The following CPSF6 variants were observed in gnomAD, a reference collection of about 807,000 sequenced individuals.
CPSF6 encodes cleavage and polyadenylation specificity factor subunit 6.
CPSF6 carries 10 observed loss-of-function variants against 56.7 expected under a neutral mutation model. The observed-to-expected ratio is 0.18, with a 90% confidence interval of 0.11 to 0.30. CPSF6 has a LOEUF of 0.30. Ranked by LOEUF, CPSF6 falls within the 10% of genes least tolerant of loss-of-function variation. The probability of loss-of-function intolerance (pLI) is 1.00; values close to 1 mark genes in which losing one functional copy is unlikely to be tolerated. For missense variants in CPSF6, 419 were observed against 722.9 expected, an observed-to-expected ratio of 0.58 and a Z score of 4.82; for synonymous variants, 248 against 244.8, an observed-to-expected ratio of 1.01 and a Z score of -0.12.
In CPSF6 at chr12:69,269,778, A is replaced by T. The variant is rs1340135530; in HGVS notation, c.*270A>T. ...TTTGCAACTTTATTACTGGTTATAT[A>T]CATTTGGCCATTATGATGTGCAAGC... On this transcript the variant is annotated 3_prime_UTR_variant, in exon 10 of 10. Coordinates refer to ENST00000435070, the MANE Select transcript of CPSF6 (RefSeq NM_007007.3). 3 of 189,450 alleles carry T rather than the reference A, an allele frequency of 1.6e-5. No individual in the cohort carries two copies. The highest frequency in any genetic ancestry group is 7.2e-5 in the African/African-American group (3 of 41,912). 11.7% of individuals were successfully genotyped at this position (189,450 alleles called of 1,614,324 possible). A position where few individuals can be genotyped will look rare whatever the true frequency, so the allele number is the denominator to read the frequency against.
intron 1 of CPSF6, 145 bp from the exon 2 acceptor site, chr12:69,250,984 T>TACATCAAGAA: frequency 1.3e-6 from 1 of 782,560 alleles, no homozygotes; most frequent in East Asian, 2.7e-5. Context: ...AATACATCTA[T>TACATCAAGAA]TGCATAAAGT....
At chr12:69,245,199 A>G (rs1871833648) in intron 1 of CPSF6, among the ~76,000 whole-genome samples, 1 of 152,090 alleles carries the variant, frequency 6.6e-6, no homozygotes, top group African/African-American at 2.4e-5. Context: ...ACTGTACATA[A>G]TTGTATGTGC....
intron 8 of CPSF6, among the ~76,000 whole-genome samples, chr12:69,261,546 C>CAG (rs145743607): frequency 3.1e-4 from 47 of 149,738 alleles, no homozygotes; most frequent in South Asian, 6.3e-4. Context: ...GCCTGGGTGA[C>CAG]AGAGAGAGAG....
At chr12:69,257,139 C>G (rs1055292237) in intron 4 of CPSF6, among the ~76,000 whole-genome samples, 2 of 152,194 alleles carry the variant, frequency 1.3e-5, no homozygotes, top group African/African-American at 4.8e-5. Context: ...AAAGAAACTA[C>G]ATTCTAATTC....
chr12:69,244,891 T>C (rs1871812532), intron 1 of CPSF6, among the ~76,000 whole-genome samples: 1 of 152,078 alleles, frequency 6.6e-6, no homozygotes, highest in Non-Finnish European at 1.5e-5. Flanking sequence ...GGTGAAGGAC[T>C]GACTTGCCTG....
rs749238267 is a variant in CPSF6 at position 69,257,913 on chromosome 12, T to G, written c.694+8T>G. On this transcript the variant is annotated splice_region_variant and intron_variant, in intron 5 of 9. Transcript: ENST00000435070. ...CACCCCCACCTTTTCCAGGTAAAACTTTTCTTAAATTACCATGGATAAAAC... is the reference window on the plus strand; with the variant it reads ...CACCCCCACCTTTTCCAGGTAAAACGTTTCTTAAATTACCATGGATAAAAC... 6.3e-7 allele frequency: 1 copy of G among 1,590,602 alleles called. No homozygotes were observed. Among genetic ancestry groups the G allele is most frequent in the South Asian group, 1.1e-5 (1 of 88,386 alleles).
At chr12:69,265,650 T>G (rs1257934705) in intron 9 of CPSF6, among the ~76,000 whole-genome samples, 1 of 147,212 alleles carries the variant, frequency 6.8e-6, no homozygotes, top group Non-Finnish European at 1.5e-5. Context: ...TTGCCCAGTC[T>G]AGAGTGCAGT....
chr12:69,241,285 T>C (rs969019771), intron 1 of CPSF6, among the ~76,000 whole-genome samples: 3 of 152,226 alleles, frequency 2.0e-5, no homozygotes, highest in Non-Finnish European at 4.4e-5. Context: ...TTGAGTTGTG[T>C]CCATTACAAA....
chr12:69,258,811 C>G lies in CPSF6; in HGVS notation c.916C>G (p.Pro306Ala), dbSNP rs939481174. ...PPPPVPGYGP[P>A]PGPPPPQQGP... ...ACCTCCAGTTCCAGGCTACGGCCCCCCTCCTGGCCCACCACCTCCACAACA... is the reference window on the plus strand; with the variant it reads ...ACCTCCAGTTCCAGGCTACGGCCCCGCTCCTGGCCCACCACCTCCACAACA... Residue 306 changes from proline to alanine, a missense_variant, in exon 6 of 10, where the codon CCT (proline) becomes GCT (alanine). Physicochemically the swap from Pro to Ala is conservative, Grantham distance 27. Coordinates refer to ENST00000435070, the MANE Select transcript of CPSF6 (RefSeq NM_007007.3). The surrounding 1 kb of genome is among the most constrained non-coding windows in gnomAD (Gnocchi z 4.2). 9 of 1,613,940 alleles carry G rather than the reference C, an allele frequency of 5.6e-6. No homozygotes were observed. The highest frequency in any genetic ancestry group is 1.1e-5 in the South Asian group (1 of 91,052).
rs1179516078 is a variant in CPSF6 at position 69,270,113 on chromosome 12, A to G, written c.*605A>G. The G allele has an allele frequency of 6.6e-6, 1 of 152,206 alleles. No individual in the cohort carries two copies. The highest frequency in any genetic ancestry group is 1.5e-5 in the Non-Finnish European group (1 of 67,680). The allele number at this position is 152,206 out of a possible 1,614,324, so 9.4% of individuals were successfully genotyped here. A position where few individuals can be genotyped will look rare whatever the true frequency, so the allele number is the denominator to read the frequency against. ...ATCTTGCGTTCAGTGAATTAAACAT[A>G]GTAATTAAGTGTCTTTTGCCCTTGA... On this transcript the variant is annotated 3_prime_UTR_variant, in exon 10 of 10. Coordinates refer to ENST00000435070, the MANE Select transcript of CPSF6 (RefSeq NM_007007.3).
intron 1 of CPSF6, among the ~76,000 whole-genome samples, chr12:69,240,305 T>C (rs2120386427): frequency 6.6e-6 from 1 of 151,866 alleles, no homozygotes; most frequent in East Asian, 2.0e-4. Flanking sequence ...GCGACAGGTT[T>C]CGGCGTGGCG....
rs1294293142 is a variant in CPSF6, at chr12:69,264,699, C to T, written c.*3+2137C>T. 2.0e-5 allele frequency among the ~76,000 whole-genome samples: 3 copies of T among 152,050 alleles called. No homozygotes were observed. The East Asian group carries it at 5.8e-4, about 29-fold the overall frequency. ...TTTCTAGTGCAAAAAATTCTGTTAT[C>T]CTGGATTATTGTACGTTTGCTATAT... On this transcript the variant is annotated intron_variant, in intron 9 of 9. Coordinates refer to ENST00000435070, the MANE Select transcript of CPSF6 (RefSeq NM_007007.3).
intron 8 of CPSF6, 108 bp downstream of exon 8, chr12:69,260,305 T>A: frequency 1.2e-6 from 1 of 842,544 alleles, no homozygotes; most frequent in Non-Finnish European, 1.7e-6. Flanking sequence ...ACTGATTATT[T>A]AGCAGCTGGA....
rs898857815 is a variant in CPSF6 at position 69,267,435 on chromosome 12, A to C, written c.*4-2077A>C. Among the ~76,000 whole-genome samples, 5 of 151,970 alleles carry C rather than the reference A, an allele frequency of 3.3e-5. No individual in the cohort carries two copies. In the East Asian group the frequency reaches 5.8e-4, roughly 18 times the overall value. On this transcript the variant is annotated intron_variant, in intron 9 of 9. Transcript: ENST00000435070. ...CTTAGTTGTTTTAACATCTGTTTAC[A>C]TAGGCCTTTCTTTTATAATTAATAG...
intron 9 of CPSF6, 42 bp downstream of exon 9, chr12:69,262,604 A>C: frequency 6.4e-7 from 1 of 1,558,114 alleles, no homozygotes; most frequent in Non-Finnish European, 8.7e-7. Flanking sequence ...GTGTATTCTT[A>C]ACAGTAACTA....
chr12:69,258,341 A>G lies in CPSF6; in HGVS notation c.695-249A>G, dbSNP rs963977304. Among the ~76,000 whole-genome samples, 3 of 152,194 alleles carry G rather than the reference A, an allele frequency of 2.0e-5. No individual in the cohort carries two copies. Among genetic ancestry groups the G allele is most frequent in the Non-Finnish European group, 2.9e-5 (2 of 68,042 alleles). On this transcript the variant is annotated intron_variant, in intron 5 of 9. Coordinates refer to ENST00000435070, the MANE Select transcript of CPSF6 (RefSeq NM_007007.3). The surrounding 1 kb of genome is among the most constrained non-coding windows in gnomAD (Gnocchi z 4.2). ...ACACGGAAAGATGGAAAATATCTCT[A>G]GGCATTGTAATATTTTTTTATTAAA...
At chr12:69,261,570 C>T (rs538297801) in intron 8 of CPSF6, among the ~76,000 whole-genome samples, 8 of 149,974 alleles carry the variant, frequency 5.3e-5, no homozygotes, top group Admixed American at 1.3e-4. Context: ...GAGACCCTAT[C>T]TTGAAAAAAC....
In CPSF6 at chr12:69,258,943, G is replaced by C; in HGVS notation, c.1048G>C (p.Ala350Pro). The change falls in exon 6 of 10, where the codon GCC (alanine) becomes CCC (proline). Residue 350 changes from alanine to proline, a missense_variant. Ala to Pro is a conservative substitution (Grantham distance 27, BLOSUM62 -1). Coordinates refer to ENST00000435070, the MANE Select transcript of CPSF6 (RefSeq NM_007007.3). This position sits in a 1 kb window ranked among gnomAD's most constrained non-coding sequence, Gnocchi z 4.2. ...PPHLPGPPPG[A>P]PPPAPHVNPA... is the part of the protein sequence containing the mutation. ...GCATCTTCCTGGACCACCTCCAGGT[G>C]CCCCACCGCCAGCTCCGCATGTGAA... is the stretch of plus-strand genomic sequence containing the variant. The C allele has an allele frequency of 6.2e-7, 1 of 1,614,040 alleles. No homozygotes were observed. The highest frequency in any genetic ancestry group is 8.5e-7 in the Non-Finnish European group (1 of 1,180,034).
At chr12:69,239,789 G>A (rs1871502209) in intron 1 of CPSF6, 83 bp downstream of exon 1, 4 of 1,379,132 alleles carry the variant, frequency 2.9e-6, no homozygotes, top group Middle Eastern at 2.2e-4. Context: ...GCGGCCGCGA[G>A]CCGAAGCGAC....
Sources: gnomAD v4.1 joint callset for allele counts (sites outside exome capture counted in the v4.1 genomes callset) on GRCh38, gnomAD v4.1.1 for gene constraint, Gnocchi (gnomAD v3.1) non-coding constraint, MANE v1.5 for transcripts, NCBI Gene and HGNC (gene_info 2026-07-23, HGNC 2026-07-21) for gene names.